The following ADGRL3 variants were observed in gnomAD, a reference collection of about 807,000 sequenced individuals.
ADGRL3 encodes the protein calcium-independent alpha-latrotoxin receptor 3.
A neutral mutation model predicts 153.5 loss-of-function variants in ADGRL3; 62 were observed. That is an observed-to-expected ratio of 0.40 (90% CI 0.33 to 0.50). The LOEUF (loss-of-function observed/expected upper bound fraction) is 0.50, where lower values mean the gene tolerates loss of function less well. Among genes scored for constraint, ADGRL3 ranks in the 20% least tolerant of loss-of-function variants. ADGRL3 has a pLI of 0.47. For synonymous variants in ADGRL3, 710 were observed against 672.5 expected, an observed-to-expected ratio of 1.06 and a Z score of -0.86; for missense variants, 1,641 against 1,859.4, an observed-to-expected ratio of 0.88 and a Z score of 2.16.
Position 61,651,791 on chromosome 4 carries a change from G to A in ADGRL3, c.474-25035G>A, listed in dbSNP as rs1025573262. Among the ~76,000 whole-genome samples the A allele has an allele frequency of 6.4e-5, 5 of 77,932 alleles. No homozygotes were observed. The East Asian group carries it at 9.6e-4, about 15-fold the overall frequency. The allele number at this position is 77,932 out of a possible 152,430, so 51.1% of individuals were successfully genotyped here. A position where few individuals can be genotyped will look rare whatever the true frequency, so the allele number is the denominator to read the frequency against. ...CCCAGCTATTTTTTTTTTTTTTTTT[G>A]TATTTTAGTAGAGACGGGGTTTCAC... On this transcript the variant is annotated intron_variant, in intron 5 of 26. Transcript: ENST00000683033.
At chr4:61,869,960 A>AAAAAAAAAAAAAAAAG (rs1554051477) in intron 9 of ADGRL3, among the ~76,000 whole-genome samples, 29 of 101,862 alleles carry the variant, frequency 2.8e-4, no homozygotes, top group East Asian at 2.6e-3. Context: ...AAAAAAAAAA[A>AAAAAAAAAAAAAAAAG]AGAGAGAGAG....
At chr4:61,827,279 G>T (rs1192950770) in intron 9 of ADGRL3, among the ~76,000 whole-genome samples, 1 of 152,064 alleles carries the variant, frequency 6.6e-6, no homozygotes, top group African/African-American at 2.4e-5. Flanking sequence ...TTAAATCACG[G>T]ATAGTGTTAG....
At chr4:61,807,017 A>C (rs2097559692) in intron 8 of ADGRL3, among the ~76,000 whole-genome samples, 1 of 147,296 alleles carries the variant, frequency 6.8e-6, no homozygotes, top group African/African-American at 2.5e-5. Flanking sequence ...TAATAAAAAT[A>C]AGCATTTTTA....
intron 5 of ADGRL3, among the ~76,000 whole-genome samples, chr4:61,675,034 G>A (rs1297200294): frequency 6.6e-6 from 1 of 151,924 alleles, no homozygotes; most frequent in Non-Finnish European, 1.5e-5. Flanking sequence ...TGAGTATGGA[G>A]TATTAGCTTT....
intron 13 of ADGRL3, 125 bp downstream of exon 13, chr4:61,912,882 A>T (rs1248756171): frequency 3.5e-6 from 3 of 866,566 alleles, no homozygotes; most frequent in Non-Finnish European, 5.5e-6. Context: ...ATGGAGGGGG[A>T]GAAGGGTGGG....
intron 2 of ADGRL3, among the ~76,000 whole-genome samples, chr4:61,408,193 T>C (rs1473141817): frequency 6.6e-6 from 1 of 152,112 alleles, no homozygotes; most frequent in Non-Finnish European, 1.5e-5. Flanking sequence ...CAAGGTTTTT[T>C]TTAAAGATCA....
chr4:61,241,302 G>A (rs1754857231), intron 1 of ADGRL3, among the ~76,000 whole-genome samples: 1 of 152,004 alleles, frequency 6.6e-6, no homozygotes, highest in South Asian at 2.1e-4. Flanking sequence ...TCGTGAGCAT[G>A]TAAGGTCACA....
chr4:61,745,371 A>T (rs566234051), intron 8 of ADGRL3, among the ~76,000 whole-genome samples: 1 of 152,040 alleles, frequency 6.6e-6, no homozygotes, highest in Non-Finnish European at 1.5e-5. Flanking sequence ...CCACAAAGAT[A>T]CTCCTCGAGA....
chr4:62,025,844 T>C (rs1581941993), intron 21 of ADGRL3, among the ~76,000 whole-genome samples: 1 of 152,308 alleles, frequency 6.6e-6, no homozygotes, highest in South Asian at 2.1e-4. Context: ...TGTAACGGTA[T>C]TTTGTTTAAA....
At chr4:61,743,145 C>T (rs925687797) in intron 8 of ADGRL3, among the ~76,000 whole-genome samples, 1 of 151,180 alleles carries the variant, frequency 6.6e-6, no homozygotes, top group East Asian at 1.9e-4. Context: ...ATGGCGAAAC[C>T]CCGTCTCTAT....
chr4:61,703,421 G>A (rs2151340863), intron 6 of ADGRL3, among the ~76,000 whole-genome samples: 1 of 152,166 alleles, frequency 6.6e-6, no homozygotes, highest in Non-Finnish European at 1.5e-5. Context: ...CAATTACTAA[G>A]CTTGAGGAGT....
chr4:62,044,654 A>T (rs1730148829), intron 25 of ADGRL3, 105 bp downstream of exon 25: 4 of 677,322 alleles, frequency 5.9e-6, no homozygotes. Context: ...CACATGATAG[A>T]AACATTGTAA....
chr4:61,869,960 AAGAG>A (rs1311740882), intron 9 of ADGRL3, among the ~76,000 whole-genome samples: 200 of 101,798 alleles, frequency 2.0e-3, no homozygotes, highest in African/African-American at 6.8e-3. Flanking sequence ...AAAAAAAAAA[AAGAG>A]AGAGAGAGAG....
At chr4:61,435,252 G>A (rs1018201313) in intron 2 of ADGRL3, among the ~76,000 whole-genome samples, 3 of 152,024 alleles carry the variant, frequency 2.0e-5, no homozygotes, top group Non-Finnish European at 4.4e-5. Context: ...GAAATTAAAA[G>A]TGAATAATTG....
At chr4:61,352,761 G>A (rs2096075316) in intron 1 of ADGRL3, among the ~76,000 whole-genome samples, 1 of 152,140 alleles carries the variant, frequency 6.6e-6, no homozygotes, top group Non-Finnish European at 1.5e-5. Context: ...ACTTGATTGT[G>A]GTGGTCTGGA....
chr4:61,689,393 A>G (rs772981565), intron 6 of ADGRL3, among the ~76,000 whole-genome samples: 18 of 152,150 alleles, frequency 1.2e-4, no homozygotes, highest in Admixed American at 2.6e-4. Flanking sequence ...GATAGTAACA[A>G]TGGATTTTAA....
intron 4 of ADGRL3, among the ~76,000 whole-genome samples, chr4:61,527,802 G>A (rs1310034586): frequency 6.6e-6 from 1 of 152,056 alleles, no homozygotes; most frequent in African/African-American, 2.4e-5. Flanking sequence ...GCAATATAGC[G>A]AGGAGACAAT....
intron 8 of ADGRL3, among the ~76,000 whole-genome samples, chr4:61,772,826 T>C (rs906837811): frequency 2.0e-5 from 3 of 152,184 alleles, no homozygotes; most frequent in Admixed American, 6.6e-5. Flanking sequence ...AAATATTCAA[T>C]GTGTCAGAGC....
rs201120707 is a variant in ADGRL3 at position 61,784,421 on chromosome 4, C to T, written c.1400-29388C>T. Among the ~76,000 whole-genome samples, 11 of 136,414 alleles carry T rather than the reference C, an allele frequency of 8.1e-5. No individual in the cohort carries two copies. In the East Asian group the frequency reaches 2.3e-3, roughly 29 times the overall value. The allele number at this position is 136,414 out of a possible 152,430, so 89.5% of individuals were successfully genotyped here. On this transcript the variant is annotated intron_variant, in intron 8 of 26. Coordinates refer to ENST00000683033, the MANE Select transcript of ADGRL3 (RefSeq NM_001387552.1). ...TTAATTCATTTTAGGCCAGCAAATACATATTAGTTGACTCACTTTTTTCCA... is the reference window on the plus strand; with the variant it reads ...TTAATTCATTTTAGGCCAGCAAATATATATTAGTTGACTCACTTTTTTCCA...
Sources: gnomAD v4.1 joint callset for allele counts (sites outside exome capture counted in the v4.1 genomes callset) on GRCh38, gnomAD v4.1.1 for gene constraint, MANE v1.5 for transcripts, NCBI Gene and HGNC (gene_info 2026-07-23, HGNC 2026-07-21) for gene names.